The following TBC1D22A variants were observed in gnomAD, a reference collection of about 807,000 sequenced individuals.
TBC1D22A encodes the protein putative GTPase activator.
A neutral mutation model predicts 60.2 loss-of-function variants in TBC1D22A; 38 were observed. That is an observed-to-expected ratio of 0.63 (90% CI 0.49 to 0.83). TBC1D22A has a LOEUF of 0.83. TBC1D22A is among the 40% of genes least tolerant of loss of function. The pLI, the probability that TBC1D22A is intolerant of heterozygous loss-of-function variation, is 0.00. For missense variants in TBC1D22A, 628 were observed against 701.0 expected, an observed-to-expected ratio of 0.90 and a Z score of 1.18; for synonymous variants, 302 against 281.7, an observed-to-expected ratio of 1.07 and a Z score of -0.72.
chr22:46,914,707 C>T (rs1299462809), intron 8 of TBC1D22A: 2 of 152,796 alleles, frequency 1.3e-5, no homozygotes, highest in Non-Finnish European at 2.9e-5. Context: ...GAGATGACTT[C>T]GGTTCAACGC....
chr22:46,941,905 A>ATATATG (rs1022155255), intron 8 of TBC1D22A, among the ~76,000 whole-genome samples: 6 of 138,526 alleles, frequency 4.3e-5, no homozygotes, highest in East Asian at 4.0e-4. Context: ...TGTATATAGA[A>ATATATG]TATATGTATA....
At chr22:46,894,160 G>A (rs1173502399) in intron 6 of TBC1D22A, among the ~76,000 whole-genome samples, 1 of 152,160 alleles carries the variant, frequency 6.6e-6, no homozygotes, top group Non-Finnish European at 1.5e-5. Context: ...GGGATGTCGG[G>A]AGCCTGCCTG....
At chr22:46,940,011 G>A (rs776585478) in intron 8 of TBC1D22A, among the ~76,000 whole-genome samples, 1 of 152,014 alleles carries the variant, frequency 6.6e-6, no homozygotes, top group Non-Finnish European at 1.5e-5. Flanking sequence ...TTCCAGATTT[G>A]GTTCCAGACA....
At position 47,175,652 on chromosome 22, in the gene TBC1D22A, G is replaced by A. The variant is rs1267761392; in HGVS notation, c.*2026G>A. ...TGGAATGTTCGGGGTGTGCTGTCTGGATGTGGTGCGCTAAAAACACGGAAT... is the reference window on the plus strand; with the variant it reads ...TGGAATGTTCGGGGTGTGCTGTCTGAATGTGGTGCGCTAAAAACACGGAAT... On this transcript the variant is annotated 3_prime_UTR_variant, in exon 13 of 13. Transcript: ENST00000337137. 1 of 152,248 alleles carries A rather than the reference G, an allele frequency of 6.6e-6. No individual in the cohort carries two copies. The highest frequency in any genetic ancestry group is 1.5e-5 in the Non-Finnish European group (1 of 68,114). 9.4% of individuals were successfully genotyped at this position (152,248 alleles called of 1,614,324 possible).
At chr22:46,979,463 G>A (rs1306049375) in intron 9 of TBC1D22A, among the ~76,000 whole-genome samples, 1 of 152,220 alleles carries the variant, frequency 6.6e-6, no homozygotes, top group African/African-American at 2.4e-5. Context: ...TGAAGAAAGT[G>A]TTCGGTTCAG....
intron 12 of TBC1D22A, among the ~76,000 whole-genome samples, chr22:47,125,807 G>A (rs1014051780): frequency 4.6e-5 from 7 of 152,172 alleles, no homozygotes; most frequent in Admixed American, 6.5e-5. Context: ...ACCCGCATGC[G>A]GCAGGCCAAC....
intron 4 of TBC1D22A, among the ~76,000 whole-genome samples, chr22:46,831,907 G>A (rs1273991101): frequency 2.6e-5 from 4 of 152,188 alleles, no homozygotes; most frequent in African/African-American, 9.7e-5. Context: ...ATTAAAATTA[G>A]CTGATTCCAG....
chr22:47,068,062 T>C (rs1050320816), intron 11 of TBC1D22A, among the ~76,000 whole-genome samples: 7 of 152,224 alleles, frequency 4.6e-5, no homozygotes, highest in African/African-American at 1.7e-4. Context: ...GCGAAAGCGC[T>C]CGGCAGGGAG....
At chr22:47,169,802 A>G (rs1431214054) in intron 12 of TBC1D22A, among the ~76,000 whole-genome samples, 1 of 152,246 alleles carries the variant, frequency 6.6e-6, no homozygotes, top group Non-Finnish European at 1.5e-5. Flanking sequence ...TTAGATCCAC[A>G]GATGTGGCCA....
At chr22:47,062,134 G>A (rs760651027) in intron 11 of TBC1D22A, among the ~76,000 whole-genome samples, 10 of 143,840 alleles carry the variant, frequency 7.0e-5, no homozygotes, top group Non-Finnish European at 1.5e-4. Context: ...TCAGTCCTCC[G>A]CCCCCTTTGT....
chr22:47,114,489 T>C (rs1054050510), intron 12 of TBC1D22A, among the ~76,000 whole-genome samples: 2 of 152,036 alleles, frequency 1.3e-5, no homozygotes, highest in African/African-American at 4.8e-5. Context: ...CACAATGTGT[T>C]GTGGGCACTG....
chr22:47,058,305 C>T lies in TBC1D22A; in HGVS notation c.1329+21107C>T, dbSNP rs16996264. ...CTTGTTACTGACTTGACTTTCTTCT[C>T]GGACTCCTATGATCCTGTCCCTCTC... is the stretch of plus-strand genomic sequence containing the variant. On this transcript the variant is annotated intron_variant, in intron 11 of 12. Transcript: ENST00000337137. 8.2e-3 allele frequency among the ~76,000 whole-genome samples: 1,244 copies of T among 152,230 alleles called. 16 individuals are homozygous for T. Among genetic ancestry groups the T allele is most frequent in the African/African-American group, 0.027 (1,115 of 41,520 alleles).
At chr22:47,096,358 C>T (rs2065173562) in intron 11 of TBC1D22A, among the ~76,000 whole-genome samples, 1 of 152,278 alleles carries the variant, frequency 6.6e-6, no homozygotes, top group South Asian at 2.1e-4. Context: ...CTTGTGGATT[C>T]TTTGGAGGAT....
At chr22:46,930,927 C>T (rs1330629694) in intron 8 of TBC1D22A, among the ~76,000 whole-genome samples, 3 of 152,100 alleles carry the variant, frequency 2.0e-5, no homozygotes, top group African/African-American at 7.2e-5. Flanking sequence ...TTAACTTTAC[C>T]GTATATCTCC....
At chr22:46,923,955 AT>A (rs2070901783) in intron 8 of TBC1D22A, among the ~76,000 whole-genome samples, 1 of 151,954 alleles carries the variant, frequency 6.6e-6, no homozygotes, top group Admixed American at 6.6e-5. Flanking sequence ...GCATGGTGTA[AT>A]TTTTAAGAAA....
rs1279224847 is a variant in TBC1D22A, at chr22:47,174,874, C to T, written c.*1248C>T. 1 of 152,338 alleles carries T rather than the reference C, an allele frequency of 6.6e-6. No individual in the cohort carries two copies. 9.4% of individuals were successfully genotyped at this position (152,338 alleles called of 1,614,324 possible). The stretch of plus-strand genomic sequence containing the variant: ...CCTGCTAGGGCTGTGTCCTTGGCTC[C>T]AGGGGCCTTGGGACTGGCTTCCCAG... On this transcript the variant is annotated 3_prime_UTR_variant, in exon 13 of 13. Coordinates refer to ENST00000337137, the MANE Select transcript of TBC1D22A (RefSeq NM_014346.5).
At chr22:47,060,594 C>T (rs540718442) in intron 11 of TBC1D22A, among the ~76,000 whole-genome samples, 1 of 152,276 alleles carries the variant, frequency 6.6e-6, no homozygotes, top group East Asian at 1.9e-4. Context: ...CCACGCCCAC[C>T]TAATTTTTTG....
chr22:47,129,939 C>T (rs1454923593), intron 12 of TBC1D22A, among the ~76,000 whole-genome samples: 1 of 152,200 alleles, frequency 6.6e-6, no homozygotes, highest in Non-Finnish European at 1.5e-5. Context: ...TGCATTTGTA[C>T]AGCGGAAGAG....
intron 9 of TBC1D22A, among the ~76,000 whole-genome samples, chr22:46,982,212 G>A (rs1316164865): frequency 6.6e-6 from 1 of 150,396 alleles, no homozygotes; most frequent in East Asian, 1.9e-4. Flanking sequence ...CCTGCTAAGT[G>A]TTTAAGAGAC....
Sources: gnomAD v4.1 joint callset for allele counts (sites outside exome capture counted in the v4.1 genomes callset) on GRCh38, gnomAD v4.1.1 for gene constraint, MANE v1.5 for transcripts, NCBI Gene and HGNC (gene_info 2026-07-23, HGNC 2026-07-21) for gene names.